MTFMT: variants seen among roughly 807,000 people sequenced by gnomAD.
MTFMT encodes mitochondrial methionyl-tRNA formyltransferase, also known as methionyl-tRNA formyltransferase, mitochondrial.
MTFMT carries 47 observed loss-of-function variants against 51.8 expected under a neutral mutation model. That is an observed-to-expected ratio of 0.91 (90% CI 0.72 to 1.16). The LOEUF is 1.16. MTFMT is among the 50% of genes most tolerant of loss of function. The pLI is 0.00. For missense variants in MTFMT, 512 were observed against 482.3 expected, an observed-to-expected ratio of 1.06 and a Z score of -0.58; for synonymous variants, 196 against 176.7, an observed-to-expected ratio of 1.11 and a Z score of -0.87.
At chr15:65,021,049 G>T (rs1264259321) in intron 4 of MTFMT, among the ~76,000 whole-genome samples, 2 of 152,158 alleles carry the variant, frequency 1.3e-5, no homozygotes, top group African/African-American at 4.8e-5. Flanking sequence ...CAGTTTCAAT[G>T]AATTATATAT....
At position 65,029,566 on chromosome 15, in the gene MTFMT, G is replaced by T; in HGVS notation, c.48C>A (p.Gly16=). The change falls in exon 1 of 9, where the codon GGC becomes GGA. Residue 16 remains glycine, a synonymous_variant. Transcript: ENST00000220058. ...GGGGACTCGGCCTCCCACGCCTGGC[G>T]CCATGAGCCAGCGGAGGACCCCAAC... The part of the protein sequence containing the change: ...RRCWGPPLAH[G]ARRGRPSPQW... 6.7e-7 allele frequency: 1 copy of T among 1,501,340 alleles called. No individual in the cohort carries two copies. Among genetic ancestry groups the T allele is most frequent in the Non-Finnish European group, 8.9e-7 (1 of 1,125,478 alleles). 93.0% of individuals were successfully genotyped at this position (1,501,340 alleles called of 1,614,324 possible). A position where few individuals can be genotyped will look rare whatever the true frequency, so the allele number is the denominator to read the frequency against.
intron 3 of MTFMT, 142 bp from the exon 4 acceptor site, chr15:65,021,758 T>C (rs1019871722): frequency 5.6e-6 from 3 of 533,104 alleles, no homozygotes; most frequent in African/African-American, 3.8e-5. Flanking sequence ...GGCAGCAGGA[T>C]TGCTTGATCC....
At chr15:65,029,257 G>A (rs1220747282) in intron 1 of MTFMT, 148 bp downstream of exon 1, 2 of 1,284,256 alleles carry the variant, frequency 1.6e-6, no homozygotes, top group Non-Finnish European at 2.0e-6. Context: ...CGCACCTTCT[G>A]GGAGCCAGAA....
chr15:65,017,679 T>A (rs1227275071), intron 5 of MTFMT, among the ~76,000 whole-genome samples: 1 of 152,094 alleles, frequency 6.6e-6, no homozygotes, highest in Non-Finnish European at 1.5e-5. Context: ...GTACCTGTAG[T>A]CCCAGCTACT....
At chr15:65,003,307 A>T (rs531647485) in intron 8 of MTFMT, 51 bp from the exon 9 acceptor site, 3 of 1,406,430 alleles carry the variant, frequency 2.1e-6, no homozygotes, top group South Asian at 2.5e-5. Context: ...AAAACTAAAA[A>T]GCCAAGTAAA....
intron 2 of MTFMT, among the ~76,000 whole-genome samples, chr15:65,025,524 G>A (rs1405530996): frequency 2.0e-5 from 3 of 151,810 alleles, no homozygotes; most frequent in Non-Finnish European, 2.9e-5. Flanking sequence ...TAATGTAGGC[G>A]AGAGTGGCAG....
At chr15:65,004,099 C>G (rs944476580) in intron 8 of MTFMT, among the ~76,000 whole-genome samples, 5 of 151,968 alleles carry the variant, frequency 3.3e-5, no homozygotes, top group African/African-American at 1.2e-4. Flanking sequence ...TCACCACAAC[C>G]TCCGCTTCCC....
intron 6 of MTFMT, among the ~76,000 whole-genome samples, chr15:65,012,762 T>C (rs1241536122): frequency 6.6e-6 from 1 of 152,194 alleles, no homozygotes; most frequent in Non-Finnish European, 1.5e-5. Flanking sequence ...TCTTGGTTAC[T>C]GTAGTTTTAC....
intron 1 of MTFMT, among the ~76,000 whole-genome samples, chr15:65,027,553 G>A (rs1286623873): frequency 6.6e-6 from 1 of 152,106 alleles, no homozygotes; most frequent in Non-Finnish European, 1.5e-5. Flanking sequence ...AGTGACACGT[G>A]GCTAGTGGCT....
intron 8 of MTFMT, 27 bp downstream of exon 8, chr15:65,004,827 A>G (rs2086208410): frequency 6.8e-7 from 1 of 1,468,354 alleles, no homozygotes; most frequent in Non-Finnish European, 9.4e-7. Context: ...AACAACTATG[A>G]TAACTTGAAA....
chr15:65,003,323 G>C (rs994554284), intron 8 of MTFMT, 67 bp from the exon 9 acceptor site: 1 of 1,254,150 alleles, frequency 8.0e-7, no homozygotes, highest in Non-Finnish European at 1.1e-6. Flanking sequence ...GTAAATATTA[G>C]TTTATAAAAT....
Position 65,001,551 on chromosome 15 carries a change from T to C in MTFMT, c.*1511A>G, listed in dbSNP as rs1050713792. ...TATTGCACAAGTAAGTTGAAAAATGTTAGCACGTTCCTACTTCAAGAAAAC... is the reference window on the plus strand; with the variant it reads ...TATTGCACAAGTAAGTTGAAAAATGCTAGCACGTTCCTACTTCAAGAAAAC... On this transcript the variant is annotated 3_prime_UTR_variant, in exon 9 of 9. Transcript: ENST00000220058. The C allele has an allele frequency of 1.3e-5, 2 of 152,220 alleles. No individual in the cohort carries two copies. The highest frequency in any genetic ancestry group is 6.5e-5 in the Admixed American group (1 of 15,276). The allele number at this position is 152,220 out of a possible 1,614,324, so 9.4% of individuals were successfully genotyped here. A position where few individuals can be genotyped will look rare whatever the true frequency, so the allele number is the denominator to read the frequency against.
chr15:65,028,205 A>T (rs922810190), intron 1 of MTFMT, among the ~76,000 whole-genome samples: 1 of 152,148 alleles, frequency 6.6e-6, no homozygotes, highest in Non-Finnish European at 1.5e-5. Context: ...GGATCACTTG[A>T]TCCCAGGAGT....
intron 2 of MTFMT, 34 bp from the exon 3 acceptor site, chr15:65,023,828 T>G (rs1566944070): frequency 1.3e-6 from 2 of 1,586,932 alleles, no homozygotes; most frequent in African/African-American, 2.7e-5. Context: ...AGTATGTCAG[T>G]GGGCTTTACC....
In MTFMT at chr15:65,027,030, CT is replaced by C; in HGVS notation, c.219del (p.Glu74LysfsTer4). ...LRALHAAREN[K>X]EEELIDKLEV... ...TCCAGTTTGTCGATTAACTCTTCTTCTTTGTTTTCCCTAAATTAGATAGGAA... is the reference window on the plus strand; with the variant it reads ...TCCAGTTTGTCGATTAACTCTTCTTCTTGTTTTCCCTAAATTAGATAGGAA... On this transcript the variant is annotated frameshift_variant, in exon 2 of 9. Transcript: ENST00000220058. LOFTEE classifies it high-confidence loss of function. 2 of 1,613,122 alleles carry C rather than the reference CT, an allele frequency of 1.2e-6. No individual in the cohort carries two copies. Among genetic ancestry groups the C allele is most frequent in the Non-Finnish European group, 1.7e-6 (2 of 1,179,396 alleles).
At chr15:65,029,348 C>G (rs1423590036) in intron 1 of MTFMT, 57 bp downstream of exon 1, 62 of 1,351,386 alleles carry the variant, frequency 4.6e-5, no homozygotes, top group Middle Eastern at 5.5e-4. Context: ...GGCCGGCCGC[C>G]CGGGCGCGGC....
In MTFMT at chr15:65,003,103, T is replaced by G. The variant is rs34507711; in HGVS notation, c.1129A>C (p.Lys377Gln). The G allele has an allele frequency of 1.7e-3, 2,783 of 1,610,146 alleles. 2 individuals are homozygous for G. The highest frequency in any genetic ancestry group is 2.2e-3 in the Non-Finnish European group (2,637 of 1,177,922). ...TGCATAGCAACAGTTTTTTTCTGCT[T>G]CTTCTTTGTTGGAAGTCTGAGAGTC... ...FQTLRLPTKK[K>Q]QKKTVAMQQC... is the part of the protein sequence containing the mutation. Residue 377 changes from lysine (K) to glutamine (Q), a missense_variant, in exon 9 of 9, where the codon AAG becomes CAG. By Grantham distance (53) the Lys-to-Gln change is moderately conservative. Transcript: ENST00000220058.
intron 6 of MTFMT, among the ~76,000 whole-genome samples, chr15:65,014,381 A>G (rs1206743128): frequency 7.0e-6 from 1 of 143,606 alleles, no homozygotes; most frequent in African/African-American, 2.6e-5. Flanking sequence ...CTGGTGTGCA[A>G]TGTGCAATCT....
In MTFMT at chr15:65,029,633, C is replaced by T. The variant is rs1326520210; in HGVS notation, c.-20G>A. On this transcript the variant is annotated 5_prime_UTR_variant, in exon 1 of 9. Transcript: ENST00000220058. ...CCTCATCGCCTCGGCCGCCGGCGGC[C>T]GGCCCTGCGCAGGCGCATCGGGGCG... 2.9e-6 allele frequency: 4 copies of T among 1,372,304 alleles called. No homozygotes were observed. Among genetic ancestry groups the T allele is most frequent in the Non-Finnish European group, 3.8e-6 (4 of 1,061,876 alleles). The allele number at this position is 1,372,304 out of a possible 1,614,324, so 85.0% of individuals were successfully genotyped here.
Sources: allele counts gnomAD v4.1 joint callset (sites outside exome capture counted in the v4.1 genomes callset), GRCh38; gene constraint gnomAD v4.1.1; transcripts MANE v1.5; gene names NCBI Gene and HGNC (gene_info 2026-07-23, HGNC 2026-07-21).